The following CLPB variants were observed in gnomAD, a reference collection of about 807,000 sequenced individuals.
CLPB encodes the protein mitochondrial disaggregase.
A neutral mutation model predicts 78.4 loss-of-function variants in CLPB; 40 were observed. The observed-to-expected ratio is 0.51, with a 90% confidence interval of 0.40 to 0.66. The LOEUF (loss-of-function observed/expected upper bound fraction) is 0.66, where lower values mean the gene tolerates loss of function less well. CLPB is among the 30% of genes least tolerant of loss of function. The pLI, the probability that CLPB is intolerant of heterozygous loss-of-function variation, is 0.00. For synonymous variants in CLPB, 333 were observed against 348.0 expected (o/e 0.96, Z 0.48); for missense variants, 780 against 886.9 (o/e 0.88, Z 1.53).
At chr11:72,424,096 T>C (rs1373703201) in intron 2 of CLPB, among the ~76,000 whole-genome samples, 3 of 152,280 alleles carry the variant, frequency 2.0e-5, no homozygotes, top group African/African-American at 7.2e-5. Flanking sequence ...ACAAAGACAG[T>C]GGCCTTCGGT....
At chr11:72,426,490 T>C (rs147444662) in intron 2 of CLPB, among the ~76,000 whole-genome samples, 409 of 147,006 alleles carry the variant, frequency 2.8e-3, no homozygotes, top group Non-Finnish European at 5.0e-3. Context: ...GAACCAGAGA[T>C]GGATGAACTT....
intron 7 of CLPB, among the ~76,000 whole-genome samples, chr11:72,311,779 T>G (rs1949851687): frequency 6.6e-6 from 1 of 152,244 alleles, no homozygotes; most frequent in South Asian, 2.1e-4. Flanking sequence ...GTCAGGGCCC[T>G]CTGCACAGGC....
chr11:72,338,271 G>C (rs1231769385), intron 5 of CLPB, among the ~76,000 whole-genome samples: 2 of 152,204 alleles, frequency 1.3e-5, no homozygotes, highest in Non-Finnish European at 2.9e-5. Context: ...TGTAGCTGAG[G>C]AGGTGGGAAA....
At chr11:72,316,437 G>A (rs889532234) in intron 7 of CLPB, among the ~76,000 whole-genome samples, 12 of 152,112 alleles carry the variant, frequency 7.9e-5, no homozygotes, top group African/African-American at 1.9e-4. Flanking sequence ...CTCCAGAGTC[G>A]GAGAACAAAG....
At chr11:72,359,777 A>G (rs1204860483) in intron 4 of CLPB, among the ~76,000 whole-genome samples, 1 of 152,186 alleles carries the variant, frequency 6.6e-6, no homozygotes. Flanking sequence ...CTGCATTTTT[A>G]CCCTTATTAC....
At chr11:72,432,084 C>A (rs1326329258) in intron 1 of CLPB, among the ~76,000 whole-genome samples, 1 of 152,194 alleles carries the variant, frequency 6.6e-6, no homozygotes, top group Non-Finnish European at 1.5e-5. Flanking sequence ...TACCCCACCC[C>A]TGACTGGCAT....
At chr11:72,392,702 A>G (rs1314061503) in intron 3 of CLPB, among the ~76,000 whole-genome samples, 1 of 152,228 alleles carries the variant, frequency 6.6e-6, no homozygotes, top group Admixed American at 6.5e-5. Flanking sequence ...ACAACTTGCA[A>G]TGAGGTACCA....
intron 14 of CLPB, 48 bp downstream of exon 14, chr11:72,294,277 T>C: frequency 1.2e-6 from 2 of 1,614,002 alleles, no homozygotes; most frequent in Non-Finnish European, 1.7e-6. Flanking sequence ...GTTCCAGATT[T>C]CCAGTGGCTG....
chr11:72,420,977 T>G (rs1179295378), intron 2 of CLPB, among the ~76,000 whole-genome samples: 3 of 152,304 alleles, frequency 2.0e-5, no homozygotes, highest in Admixed American at 2.0e-4. Flanking sequence ...CTGGCCAACA[T>G]GGAGAAACCC....
At chr11:72,302,446 C>T (rs1348732298) in intron 9 of CLPB, 98 bp from the exon 10 acceptor site, 14 of 989,352 alleles carry the variant, frequency 1.4e-5, no homozygotes, top group Non-Finnish European at 2.3e-5. Flanking sequence ...AAGGCTTTCA[C>T]ACCACACCAA....
intron 5 of CLPB, among the ~76,000 whole-genome samples, chr11:72,331,898 C>G (rs1342571717): frequency 2.6e-5 from 4 of 152,024 alleles, no homozygotes; most frequent in Non-Finnish European, 4.4e-5. Flanking sequence ...TTAAAAGACC[C>G]TATCAACTTA....
At chr11:72,322,585 T>C (rs889709181) in intron 6 of CLPB, among the ~76,000 whole-genome samples, 11 of 152,194 alleles carry the variant, frequency 7.2e-5, no homozygotes, top group African/African-American at 2.7e-4. Context: ...TATGTATATA[T>C]TCTATTTGGA....
intron 3 of CLPB, among the ~76,000 whole-genome samples, chr11:72,400,959 C>T (rs550883873): frequency 1.3e-5 from 2 of 152,288 alleles, no homozygotes; most frequent in Admixed American, 6.5e-5. Context: ...CCCAAGGTCT[C>T]GGATTCTGCA....
At chr11:72,368,102 C>G (rs1222824870) in intron 4 of CLPB, among the ~76,000 whole-genome samples, 3 of 152,120 alleles carry the variant, frequency 2.0e-5, no homozygotes, top group Admixed American at 1.3e-4. Flanking sequence ...CTAGGATCAC[C>G]TCTAACACTA....
At chr11:72,354,954 G>C (rs1950683032) in intron 5 of CLPB, among the ~76,000 whole-genome samples, 1 of 152,118 alleles carries the variant, frequency 6.6e-6, no homozygotes, top group Admixed American at 6.5e-5. Flanking sequence ...CCATTATCAT[G>C]GTCTGTTTCC....
At chr11:72,357,882 T>C (rs1201132618) in intron 5 of CLPB, among the ~76,000 whole-genome samples, 1 of 151,970 alleles carries the variant, frequency 6.6e-6, no homozygotes, top group Non-Finnish European at 1.5e-5. Flanking sequence ...TCAGGTTCTA[T>C]GAAGAATGAT....
At chr11:72,433,950 G>A in intron 1 of CLPB, 122 bp downstream of exon 1, 1 of 1,218,060 alleles carries the variant, frequency 8.2e-7, no homozygotes, top group Non-Finnish European at 1.1e-6. Flanking sequence ...GATGATGTCT[G>A]AGTCCCTCCA....
intron 2 of CLPB, among the ~76,000 whole-genome samples, chr11:72,418,084 A>G (rs1240980253): frequency 2.0e-5 from 3 of 152,214 alleles, no homozygotes; most frequent in Non-Finnish European, 2.9e-5. Context: ...TTCCATCCAC[A>G]TGAATGGAGG....
chr11:72,301,999 T>C lies in CLPB; in HGVS notation c.1168-35A>G, dbSNP rs375939253. On this transcript the variant is annotated intron_variant, in intron 10 of 15. Transcript: ENST00000538039. ...GGAAGGAAACATGCTAGGAAGGCCTTTCTGTGCTTTTAGTTTCCAACATGG... is the reference window on the plus strand; with the variant it reads ...GGAAGGAAACATGCTAGGAAGGCCTCTCTGTGCTTTTAGTTTCCAACATGG... 262 of 1,607,340 alleles carry C rather than the reference T, an allele frequency of 1.6e-4. 1 individual carries two copies. The highest frequency in any genetic ancestry group is 2.1e-4 in the Non-Finnish European group (252 of 1,176,522).
Sources: gnomAD v4.1 joint callset for allele counts (sites outside exome capture counted in the v4.1 genomes callset) on GRCh38, gnomAD v4.1.1 for gene constraint, MANE v1.5 for transcripts, NCBI Gene and HGNC (gene_info 2026-07-23, HGNC 2026-07-21) for gene names.